PRR23C: variants seen among roughly 807,000 people sequenced by gnomAD.
PRR23C encodes the protein proline rich 23C, also known as proline-rich protein 23C.
Under a neutral mutation model 0.1 loss-of-function variants are expected in PRR23C, and 1 was observed. The ratio of observed to expected loss-of-function variants is 6.80; its 90% CI spans 2.41 to 32.24. The LOEUF is 32.24. PRR23C is among the 30% of genes most tolerant of loss of function. The pLI is 0.11. For missense variants in PRR23C, 361 were observed against 370.4 expected (o/e 0.97, Z 0.21); for synonymous variants, 172 against 168.1 (o/e 1.02, Z -0.18).
rs1457133253 is a variant in PRR23C, at chr3:139,044,583, G to C, written c.38C>G (p.Ala13Gly). 6.5e-7 allele frequency: 1 copy of C among 1,536,152 alleles called. No individual in the cohort carries two copies. Among genetic ancestry groups the C allele is most frequent in the Non-Finnish European group, 8.7e-7 (1 of 1,144,886 alleles). Residue 13 changes from alanine to glycine, a missense_variant, in exon 1 of 1, where the codon GCG becomes GGG. By Grantham distance (60) the Ala-to-Gly change is moderately conservative. Coordinates refer to ENST00000413199, the MANE Select transcript of PRR23C (RefSeq NM_001134657.1). The surrounding 1 kb of genome is among the most constrained non-coding windows in gnomAD (Gnocchi z 7.5). ...SRPCSPSACLAPWWGQQPGGP... is the reference protein window; with the variant it reads ...SRPCSPSACLGPWWGQQPGGP... ...TCCTGGCTGCTGTCCCCACCAGGGC[G>C]CAAGGCAGGCGCTGGGGCTGCAGGG...
Position 139,044,424 on chromosome 3 carries a change from C to G in PRR23C, c.197G>C (p.Gly66Ala). The change falls in exon 1 of 1, where the codon GGC becomes GCC. Residue 66 changes from glycine (G) to alanine (A), a missense_variant. By Grantham distance (60) the Gly-to-Ala change is moderately conservative. Transcript: ENST00000413199. This position sits in a 1 kb window ranked among gnomAD's most constrained non-coding sequence, Gnocchi z 7.5. Reference sequence around the variant, plus strand: ...CTCCAGGGGCACACGCAGGGCACAGCCCGCGTCCAGGACCACCATGGAGGT... The same window carrying G: ...CTCCAGGGGCACACGCAGGGCACAGGCCGCGTCCAGGACCACCATGGAGGT... ...ALTSMVVLDA[G>A]CALRVPLEDV... 6.4e-7 allele frequency: 1 copy of G among 1,559,390 alleles called. No homozygotes were observed. Among genetic ancestry groups the G allele is most frequent in the Non-Finnish European group, 8.7e-7 (1 of 1,152,648 alleles).
chr3:139,043,848 C>A lies in PRR23C; in HGVS notation c.773G>T (p.Arg258Leu). Residue 258 changes from arginine to leucine, a missense_variant, in exon 1 of 1, where the codon CGC (arginine) becomes CTC (leucine). Coordinates refer to ENST00000413199, the MANE Select transcript of PRR23C (RefSeq NM_001134657.1). Reference sequence around the variant, plus strand: ...GGAGGCAACTCATTCCTGGAACAGGCGTCTTCGGACCTTGCACGGAGGGCG... The same window carrying A: ...GGAGGCAACTCATTCCTGGAACAGGAGTCTTCGGACCTTGCACGGAGGGCG... ...PERPPCKVRR[R>L]LFQE The A allele has an allele frequency of 1.9e-6, 3 of 1,542,542 alleles. No individual in the cohort carries two copies. Among genetic ancestry groups the A allele is most frequent in the South Asian group, 2.5e-5 (2 of 81,346 alleles).
In PRR23C at chr3:139,042,292, C is replaced by T. The variant is rs1209720826; in HGVS notation, c.*1540G>A. 1 of 152,054 alleles carries T rather than the reference C, an allele frequency of 6.6e-6. No homozygotes were observed. Among genetic ancestry groups the T allele is most frequent in the Non-Finnish European group, 1.5e-5 (1 of 68,040 alleles). 9.4% of individuals were successfully genotyped at this position (152,054 alleles called of 1,614,324 possible). On this transcript the variant is annotated 3_prime_UTR_variant, in exon 1 of 1. Coordinates refer to ENST00000413199, the MANE Select transcript of PRR23C (RefSeq NM_001134657.1). ...AGGTTTCTGTACGTACTCTTGTGGCCCAAAGGTTCCATCTAGCTATTGTAT... is the reference window on the plus strand; with the variant it reads ...AGGTTTCTGTACGTACTCTTGTGGCTCAAAGGTTCCATCTAGCTATTGTAT...
rs1193134954 is a variant in PRR23C at position 139,044,681 on chromosome 3, C to T, written c.-61G>A. The T allele has an allele frequency of 1.7e-5, 24 of 1,422,650 alleles. No homozygotes were observed. Among genetic ancestry groups the T allele is most frequent in the Non-Finnish European group, 2.1e-5 (23 of 1,093,826 alleles). The allele number at this position is 1,422,650 out of a possible 1,614,324, so 88.1% of individuals were successfully genotyped here. On this transcript the variant is annotated 5_prime_UTR_variant, in exon 1 of 1. Coordinates refer to ENST00000413199, the MANE Select transcript of PRR23C (RefSeq NM_001134657.1). The surrounding 1 kb of genome is among the most constrained non-coding windows in gnomAD (Gnocchi z 7.5). ...TGGCAGGGGACGTGGGTGCGGGGGG[C>T]TCGGGGCGGCGAAGTCCTCTTTGAG... is the stretch of plus-strand genomic sequence containing the variant.
In PRR23C at chr3:139,043,773, G is replaced by T; in HGVS notation, c.*59C>A. On this transcript the variant is annotated 3_prime_UTR_variant, in exon 1 of 1. Transcript: ENST00000413199. ...TAGGTTGCGCAACATACACACAACG[G>T]CTATCAGGAGACGGTCTCCTGGAGC... is the stretch of plus-strand genomic sequence containing the variant. The T allele has an allele frequency of 7.0e-7, 1 of 1,419,666 alleles. No homozygotes were observed. The allele number at this position is 1,419,666 out of a possible 1,614,324, so 87.9% of individuals were successfully genotyped here.
In PRR23C at chr3:139,043,999, T is replaced by C. The variant is rs755801466; in HGVS notation, c.622A>G (p.Arg208Gly). The stretch of plus-strand genomic sequence containing the variant: ...TCGAAGATGGGGCGTGGAGAGCGTC[T>C]CTCTGAACTGGGGTTGGGGGCCAGA... ...CALAPNPSSE[R>G]RSPRPIFDLE... Residue 208 changes from arginine (R) to glycine (G), a missense_variant, in exon 1 of 1, where the codon AGA becomes GGA. By Grantham distance (125) the Arg-to-Gly change is moderately radical. Transcript: ENST00000413199. The C allele has an allele frequency of 6.2e-7, 1 of 1,612,690 alleles. No individual in the cohort carries two copies. The highest frequency in any genetic ancestry group is 1.3e-5 in the African/African-American group (1 of 74,996).
At chr3:139,043,997 TC>T in the PRR23C span, 1 of 1,612,488 alleles carries the variant, frequency 6.2e-7, no homozygotes, top group Non-Finnish European at 8.5e-7. Context: ...GTGGAGAGCG[TC>T]TCTCTGAACT....
rs1055719169 is a variant in PRR23C at position 139,044,401 on chromosome 3, C to T, written c.220G>A (p.Glu74Lys). Residue 74 changes from glutamate (E) to lysine (K), a missense_variant, in exon 1 of 1, where the codon GAG becomes AAG. Physicochemically the swap from Glu to Lys is moderately conservative, Grantham distance 56. Transcript: ENST00000413199. This position sits in a 1 kb window ranked among gnomAD's most constrained non-coding sequence, Gnocchi z 7.5. Reference sequence around the variant, plus strand: ...AGCTCCAGCACCAGGTCGACGTCCTCCAGGGGCACACGCAGGGCACAGCCC... The same window carrying T: ...AGCTCCAGCACCAGGTCGACGTCCTTCAGGGGCACACGCAGGGCACAGCCC... ...DAGCALRVPLEDVDLVLELAP... is the reference protein window; with the variant it reads ...DAGCALRVPLKDVDLVLELAP... 5.1e-6 allele frequency: 8 copies of T among 1,572,686 alleles called. No individual in the cohort carries two copies. The highest frequency in any genetic ancestry group is 1.9e-5 in the Admixed American group (1 of 53,238).
rs1401542690 is a variant in PRR23C at position 139,043,885 on chromosome 3, C to T, written c.736G>A (p.Glu246Lys). ...SPSPGPHARP[E>K]LPERPPCKVR... Reference sequence around the variant, plus strand: ...TTGCACGGAGGGCGCTCTGGGAGCTCCGGGCGCGCGTGGGGACCTGGACTC... The same window carrying T: ...TTGCACGGAGGGCGCTCTGGGAGCTTCGGGCGCGCGTGGGGACCTGGACTC... The change falls in exon 1 of 1, where the codon GAG becomes AAG. Residue 246 changes from glutamate (E) to lysine (K), a missense_variant. Coordinates refer to ENST00000413199, the MANE Select transcript of PRR23C (RefSeq NM_001134657.1). 1.9e-6 allele frequency: 3 copies of T among 1,572,652 alleles called. No homozygotes were observed. The highest frequency in any genetic ancestry group is 1.9e-5 in the Admixed American group (1 of 52,784).
chr3:139,044,690 G>A lies in PRR23C; in HGVS notation c.-70C>T. Reference sequence around the variant, plus strand: ...ACGTGGGTGCGGGGGGCTCGGGGCGGCGAAGTCCTCTTTGAGGTAACAGGT... The same window carrying A: ...ACGTGGGTGCGGGGGGCTCGGGGCGACGAAGTCCTCTTTGAGGTAACAGGT... On this transcript the variant is annotated 5_prime_UTR_variant, in exon 1 of 1. Transcript: ENST00000413199. This position sits in a 1 kb window ranked among gnomAD's most constrained non-coding sequence, Gnocchi z 7.5. 7.1e-7 allele frequency: 1 copy of A among 1,409,722 alleles called. No homozygotes were observed. Among genetic ancestry groups the A allele is most frequent in the Non-Finnish European group, 9.2e-7 (1 of 1,084,122 alleles). The allele number at this position is 1,409,722 out of a possible 1,614,324, so 87.3% of individuals were successfully genotyped here.
rs778485068 is a variant in PRR23C at position 139,044,474 on chromosome 3, C to T, written c.147G>A (p.Ala49=). ...TGAGCGCGTCCACGGCCGGGGTCCCCGCCGGGTCTTCCGGGCTGGGCGCCG... is the reference window on the plus strand; with the variant it reads ...TGAGCGCGTCCACGGCCGGGGTCCCTGCCGGGTCTTCCGGGCTGGGCGCCG... ...SRAAPSPEDP[A]GTPAVDALTS... The change falls in exon 1 of 1, where the codon GCG becomes GCA. Residue 49 remains alanine, a synonymous_variant. Coordinates refer to ENST00000413199, the MANE Select transcript of PRR23C (RefSeq NM_001134657.1). The surrounding 1 kb of genome is among the most constrained non-coding windows in gnomAD (Gnocchi z 7.5). The T allele has an allele frequency of 2.6e-6, 4 of 1,541,124 alleles. No individual in the cohort carries two copies. The highest frequency in any genetic ancestry group is 1.2e-5 in the South Asian group (1 of 82,692).
Sources: gnomAD v4.1 joint callset for allele counts on GRCh38, gnomAD v4.1.1 for gene constraint, Gnocchi (gnomAD v3.1) non-coding constraint, MANE v1.5 for transcripts, NCBI Gene and HGNC (gene_info 2026-07-23, HGNC 2026-07-21) for gene names.